Variants in CNR2 observed in about 807,000 individuals in gnomAD.
The protein encoded by CNR2 is cannabinoid receptor 2.
For synonymous variants in CNR2, 172 were observed against 182.2 expected (o/e 0.94, Z 0.45); for missense variants, 379 against 439.9 (o/e 0.86, Z 1.24).
At chr1:23,901,612 G>A in intron 1 of CNR2, 1 of 1,601,614 alleles carries the variant, frequency 6.2e-7, no homozygotes, top group Non-Finnish European at 8.6e-7. Context: ...AGCTGAGGTT[G>A]CTGCCGTCCA....
intron 1 of CNR2, among the ~76,000 whole-genome samples, chr1:23,909,270 T>C (rs1441577387): frequency 6.6e-6 from 1 of 152,158 alleles, no homozygotes; most frequent in Non-Finnish European, 1.5e-5. Context: ...GCGTGAGGAC[T>C]GAGTACATCC....
At chr1:23,904,340 A>AT (rs1476128759) in intron 1 of CNR2, among the ~76,000 whole-genome samples, 8 of 151,712 alleles carry the variant, frequency 5.3e-5, no homozygotes, top group South Asian at 2.1e-4. Context: ...TGCCCAGCCA[A>AT]TTTTTTTGTA....
intron 1 of CNR2, among the ~76,000 whole-genome samples, chr1:23,901,046 T>TC (rs1640389971): frequency 6.6e-6 from 1 of 151,630 alleles, no homozygotes; most frequent in South Asian, 2.1e-4. Flanking sequence ...CTTTCTTTTT[T>TC]TAATTGTAGG....
At chr1:23,877,050 C>T (rs138465322) in intron 1 of CNR2, among the ~76,000 whole-genome samples, 1 of 152,052 alleles carries the variant, frequency 6.6e-6, no homozygotes, top group African/African-American at 2.4e-5. Context: ...TTTGAGTTCA[C>T]AATGCAAAAT....
Position 23,874,433 on chromosome 1 carries a change from T to C in CNR2, c.*102A>G. ...AAAAAGGGGTCCGTGTCTAGGTGTC[T>C]GGGACTGGTTTAAGTAAGAAGAGAG... On this transcript the variant is annotated 3_prime_UTR_variant, in exon 2 of 2. Transcript: ENST00000374472. 3.0e-6 allele frequency: 4 copies of C among 1,321,182 alleles called. No homozygotes were observed. The highest frequency in any genetic ancestry group is 4.1e-6 in the Non-Finnish European group (4 of 965,520). 81.8% of individuals were successfully genotyped at this position (1,321,182 alleles called of 1,614,324 possible). A position where few individuals can be genotyped will look rare whatever the true frequency, so the allele number is the denominator to read the frequency against.
At chr1:23,886,371 C>T (rs950876212) in intron 1 of CNR2, among the ~76,000 whole-genome samples, 9 of 152,116 alleles carry the variant, frequency 5.9e-5, no homozygotes, top group African/African-American at 4.8e-5. Context: ...GCTCTGACTC[C>T]GAAAGGGATT....
At chr1:23,889,273 T>C (rs1292019858) in intron 1 of CNR2, among the ~76,000 whole-genome samples, 1 of 152,128 alleles carries the variant, frequency 6.6e-6, no homozygotes, top group East Asian at 1.9e-4. Context: ...ACGTTGCTGC[T>C]GGGTTTAAAT....
intron 1 of CNR2, among the ~76,000 whole-genome samples, chr1:23,911,472 A>T (rs9424339): frequency 0.72 from 109,274 of 151,964 alleles, 40,486 homozygotes; most frequent in Non-Finnish European, 0.81. Context: ...CCTCACGCTT[A>T]TGTTCTGTGT....
At position 23,892,860 on chromosome 1, in the gene CNR2, A is replaced by G. The variant is rs1640212384; in HGVS notation, c.-45-17198T>C. Among the ~76,000 whole-genome samples the G allele has an allele frequency of 3.3e-5, 5 of 152,128 alleles. No homozygotes were observed. In the South Asian group the frequency reaches 1.0e-3, roughly 32 times the overall value. On this transcript the variant is annotated intron_variant, in intron 1 of 1. Coordinates refer to ENST00000374472, the MANE Select transcript of CNR2 (RefSeq NM_001841.3). ...GTGAAACCCTGTCTCTACTAAAACT[A>G]CAAAAATTAGCCAGGAGTAGTGGTG... is the stretch of plus-strand genomic sequence containing the variant.
chr1:23,894,725 C>T (rs1640250430), intron 1 of CNR2, among the ~76,000 whole-genome samples: 1 of 149,710 alleles, frequency 6.7e-6, no homozygotes, highest in South Asian at 2.1e-4. Flanking sequence ...ACGATCCTGC[C>T]ACTGCACTCC....
chr1:23,900,849 C>T (rs1158529195), intron 1 of CNR2, among the ~76,000 whole-genome samples: 7 of 151,918 alleles, frequency 4.6e-5, no homozygotes, highest in African/African-American at 1.5e-4. Context: ...ACCATTTTAC[C>T]GAGCCACGTT....
At chr1:23,902,273 G>A in intron 1 of CNR2, 1 of 1,436,380 alleles carries the variant, frequency 7.0e-7, no homozygotes, top group Non-Finnish European at 9.5e-7. Context: ...AGAAGCCTTG[G>A]GACCGCAGGG....
rs191065191 is a variant in CNR2, at chr1:23,874,713, C to T, written c.905G>A (p.Arg302Gln). 1.1e-5 allele frequency: 18 copies of T among 1,614,150 alleles called. No individual in the cohort carries two copies. The highest frequency in any genetic ancestry group is 2.2e-5 in the East Asian group (1 of 44,882). Residue 302 changes from arginine (R) to glutamine (Q), a missense_variant, in exon 2 of 2, where the codon CGG becomes CAG. Transcript: ENST00000374472. Reference sequence around the variant, plus strand: ...GGCAGAGGAGCGGATCTCTCCACTCCGTAGAGCATAGATGACAGGGTTGAC... The same window carrying T: ...GGCAGAGGAGCGGATCTCTCCACTCTGTAGAGCATAGATGACAGGGTTGAC... ...SMVNPVIYAL[R>Q]SGEIRSSAHH...
At chr1:23,895,248 C>T (rs745863212) in intron 1 of CNR2, among the ~76,000 whole-genome samples, 2 of 152,038 alleles carry the variant, frequency 1.3e-5, no homozygotes, top group Non-Finnish European at 2.9e-5. Flanking sequence ...GCCAACAGGA[C>T]AGTTTTGTTG....
At chr1:23,898,841 C>T (rs1328307953) in intron 1 of CNR2, among the ~76,000 whole-genome samples, 4 of 151,214 alleles carry the variant, frequency 2.6e-5, no homozygotes, top group Non-Finnish European at 5.9e-5. Context: ...TTAGTAGAGA[C>T]GGGGTTTCAC....
intron 1 of CNR2, chr1:23,902,572 C>T: frequency 6.2e-7 from 1 of 1,607,458 alleles, no homozygotes; most frequent in Non-Finnish European, 8.5e-7. Context: ...GATTTGACTT[C>T]CGCCAGGTCC....
At position 23,888,736 on chromosome 1, in the gene CNR2, C is replaced by T. The variant is rs189584555; in HGVS notation, c.-45-13074G>A. On this transcript the variant is annotated intron_variant, in intron 1 of 1. Transcript: ENST00000374472. ...CTGTAATCCCAGCACTTTGGGAGGC[C>T]GAGGAGGGCAGATCACTTGAGGTCA... 5.3e-4 allele frequency among the ~76,000 whole-genome samples: 80 copies of T among 152,070 alleles called. No individual in the cohort carries two copies. In the Middle Eastern group the frequency reaches 0.01, roughly 19 times the overall value.
chr1:23,870,704 T>C lies in CNR2; in HGVS notation c.*3831A>G, dbSNP rs1402309865. 6.6e-6 allele frequency: 1 copy of C among 152,208 alleles called. No homozygotes were observed. Among genetic ancestry groups the C allele is most frequent in the Non-Finnish European group, 1.5e-5 (1 of 68,048 alleles). The allele number at this position is 152,208 out of a possible 1,614,324, so 9.4% of individuals were successfully genotyped here. ...TGGAAGTTAGGAAACCTAGGTTTGTTGCACTGGACACCATCTCGTTTGTCT... is the reference window on the plus strand; with the variant it reads ...TGGAAGTTAGGAAACCTAGGTTTGTCGCACTGGACACCATCTCGTTTGTCT... On this transcript the variant is annotated 3_prime_UTR_variant, in exon 2 of 2. Coordinates refer to ENST00000374472, the MANE Select transcript of CNR2 (RefSeq NM_001841.3).
intron 1 of CNR2, among the ~76,000 whole-genome samples, chr1:23,879,103 A>G (rs935025579): frequency 7.9e-5 from 12 of 152,160 alleles, no homozygotes; most frequent in Non-Finnish European, 1.2e-4. Flanking sequence ...AACAATGATA[A>G]TAGTGAGTAA....
Sources: allele counts gnomAD v4.1 joint callset (sites outside exome capture counted in the v4.1 genomes callset), GRCh38; gene constraint gnomAD v4.1.1; transcripts MANE v1.5; gene names NCBI Gene and HGNC (gene_info 2026-07-23, HGNC 2026-07-21).